SLC9C2: variants seen among roughly 807,000 people sequenced by gnomAD.
The protein encoded by SLC9C2 is sodium/hydrogen exchanger 11.
SLC9C2 carries 75 observed loss-of-function variants against 140.2 expected under a neutral mutation model. The ratio of observed to expected loss-of-function variants is 0.53; its 90% confidence interval spans 0.44 to 0.65. The LOEUF (loss-of-function observed/expected upper bound fraction) is 0.65. Among genes scored for constraint, SLC9C2 ranks in the 30% least tolerant of loss-of-function variants. SLC9C2 has a pLI of 0.00. For synonymous variants in SLC9C2, 375 were observed against 420.9 expected (o/e 0.89, Z 1.34); for missense variants, 1,074 against 1,331.8 (o/e 0.81, Z 3.01).
intron 13 of SLC9C2, among the ~76,000 whole-genome samples, chr1:173,542,942 C>A (rs1558049187): frequency 1.3e-5 from 2 of 152,140 alleles, no homozygotes; most frequent in Non-Finnish European, 2.9e-5. Context: ...CCTTTGAAAA[C>A]TGGCACAAGA....
At chr1:173,515,490 CTG>C (rs1413355571) in intron 23 of SLC9C2, among the ~76,000 whole-genome samples, 1 of 152,166 alleles carries the variant, frequency 6.6e-6, no homozygotes, top group Non-Finnish European at 1.5e-5. Flanking sequence ...AGCGTTCATG[CTG>C]TGTTTTTCAG....
intron 10 of SLC9C2, 126 bp downstream of exon 10, chr1:173,557,214 C>G: frequency 1.1e-6 from 1 of 886,524 alleles, no homozygotes; most frequent in Non-Finnish European, 1.8e-6. Flanking sequence ...TTCCTTTCTA[C>G]TTAAAAGAAT....
chr1:173,563,088 G>T (rs1412381148), intron 9 of SLC9C2, among the ~76,000 whole-genome samples: 1 of 151,762 alleles, frequency 6.6e-6, no homozygotes, highest in Non-Finnish European at 1.5e-5. Context: ...AAGCCACGGG[G>T]GGCCAGGATG....
At chr1:173,537,877 G>T (rs1662092707) in intron 13 of SLC9C2, among the ~76,000 whole-genome samples, 1 of 152,122 alleles carries the variant, frequency 6.6e-6, no homozygotes, top group Non-Finnish European at 1.5e-5. Context: ...ACATTCAGAG[G>T]TTAGCGTTAC....
chr1:173,539,801 G>C (rs1159361022), intron 13 of SLC9C2, among the ~76,000 whole-genome samples: 2 of 152,078 alleles, frequency 1.3e-5, no homozygotes, highest in Non-Finnish European at 2.9e-5. Context: ...CAGAGTAGAA[G>C]GTACTCTTAG....
At chr1:173,535,798 G>A (rs764662760) in intron 15 of SLC9C2, 32 bp downstream of exon 15, 2 of 1,463,192 alleles carry the variant, frequency 1.4e-6, no homozygotes, top group Non-Finnish European at 1.8e-6. Flanking sequence ...GTATTTTCAA[G>A]TATGTTTCTA....
rs758751766 is a variant in SLC9C2, at chr1:173,523,960, A to T, written c.2640+9T>A. On this transcript the variant is annotated intron_variant, in intron 21 of 27. Coordinates refer to ENST00000367714, the MANE Select transcript of SLC9C2 (RefSeq NM_178527.4). ...AAACCTGAGCCAGAATAGAAAACGGAATCTTTACCTTGAAGAAGTCAATGA... is the reference window on the plus strand; with the variant it reads ...AAACCTGAGCCAGAATAGAAAACGGTATCTTTACCTTGAAGAAGTCAATGA... 6.2e-7 allele frequency: 1 copy of T among 1,601,518 alleles called. No homozygotes were observed.
chr1:173,578,057 T>C (rs1051420236), intron 7 of SLC9C2, among the ~76,000 whole-genome samples: 1 of 152,218 alleles, frequency 6.6e-6, no homozygotes, highest in Admixed American at 6.5e-5. Flanking sequence ...GATGCATTGT[T>C]TGTAGACTTT....
intron 9 of SLC9C2, among the ~76,000 whole-genome samples, chr1:173,570,307 G>A (rs919930043): frequency 3.3e-5 from 5 of 152,146 alleles, no homozygotes; most frequent in African/African-American, 4.8e-5. Flanking sequence ...CAAGACAGCA[G>A]TTTCTCTTCT....
In SLC9C2 at chr1:173,550,034, C is replaced by T. The variant is rs77355007; in HGVS notation, c.1298-1482G>A. 9.5e-3 allele frequency among the ~76,000 whole-genome samples: 1,440 copies of T among 152,256 alleles called. 27 individuals carry two copies. The highest frequency in any genetic ancestry group is 0.033 in the African/African-American group (1,382 of 41,550). ...GGAAGGAAAGTGTGAGCAAGACTTC[C>T]GGCATCAAATTAACTTCACTCATGC... is the stretch of plus-strand genomic sequence containing the variant. On this transcript the variant is annotated intron_variant, in intron 11 of 27. Transcript: ENST00000367714.
intron 7 of SLC9C2, among the ~76,000 whole-genome samples, chr1:173,580,783 G>C (rs1355535142): frequency 1.3e-5 from 2 of 152,040 alleles, no homozygotes; most frequent in Non-Finnish European, 2.9e-5. Flanking sequence ...GCTCTTCGAG[G>C]ACTAGTAGCA....
intron 24 of SLC9C2, among the ~76,000 whole-genome samples, chr1:173,509,268 A>T (rs945727529): frequency 2.6e-5 from 4 of 152,022 alleles, no homozygotes; most frequent in Admixed American, 2.0e-4. Context: ...ACATGGTGAA[A>T]TCCTGTCTCT....
At chr1:173,509,757 A>G (rs1659912822) in intron 23 of SLC9C2, 58 bp from the exon 24 acceptor site, 1 of 1,530,590 alleles carries the variant, frequency 6.5e-7, no homozygotes, top group Non-Finnish European at 8.7e-7. Context: ...TTACAAGACC[A>G]TCAAAAAACA....
chr1:173,534,983 G>A (rs1661836591), intron 15 of SLC9C2, among the ~76,000 whole-genome samples: 1 of 151,620 alleles, frequency 6.6e-6, no homozygotes, highest in Non-Finnish European at 1.5e-5. Flanking sequence ...AAATTTAGAG[G>A]AAAACAAATT....
In SLC9C2 at chr1:173,517,615, A is replaced by G. The variant is rs1660511153; in HGVS notation, c.2829T>C (p.Thr943=). 5.0e-6 allele frequency: 8 copies of G among 1,614,056 alleles called. No individual in the cohort carries two copies. Among genetic ancestry groups the G allele is most frequent in the Non-Finnish European group, 6.8e-6 (8 of 1,179,964 alleles). Residue 943 remains threonine (T), a synonymous_variant, in exon 23 of 28, where the codon ACT becomes ACC. Coordinates refer to ENST00000367714, the MANE Select transcript of SLC9C2 (RefSeq NM_178527.4). ...AGCTTAGCTCTCCAATTATGTCCCC[A>G]GTAGTACAGAACTCTGTAAACATGT... ...SRDMFTEFCT[T]GDIIGELSCL...
intron 23 of SLC9C2, among the ~76,000 whole-genome samples, chr1:173,511,807 C>A (rs559691842): frequency 1.3e-5 from 2 of 152,266 alleles, no homozygotes; most frequent in African/African-American, 4.8e-5. Context: ...AGTCTTTAAT[C>A]CATCTTGAGT....
intron 26 of SLC9C2, among the ~76,000 whole-genome samples, chr1:173,504,802 C>T (rs943235661): frequency 2.6e-5 from 4 of 152,212 alleles, no homozygotes; most frequent in African/African-American, 9.6e-5. Flanking sequence ...CAAGGCAAGT[C>T]ATTTGACTTG....
At chr1:173,512,687 T>C (rs189365825) in intron 23 of SLC9C2, among the ~76,000 whole-genome samples, 261 of 152,320 alleles carry the variant, frequency 1.7e-3, no homozygotes, top group African/African-American at 5.6e-3. Flanking sequence ...TCTAATACTA[T>C]GTTGAATAGA....
intron 9 of SLC9C2, among the ~76,000 whole-genome samples, chr1:173,560,710 C>G (rs2102121411): frequency 6.6e-6 from 1 of 152,320 alleles, no homozygotes; most frequent in South Asian, 2.1e-4. Flanking sequence ...AAATCTAGCA[C>G]AGAGCAGGCT....
Sources: gnomAD v4.1 joint callset for allele counts (sites outside exome capture counted in the v4.1 genomes callset) on GRCh38, gnomAD v4.1.1 for gene constraint, MANE v1.5 for transcripts, NCBI Gene and HGNC (gene_info 2026-07-23, HGNC 2026-07-21) for gene names.